SLC8A1: variants seen among roughly 807,000 people sequenced by gnomAD.
The protein encoded by SLC8A1 is sodium/calcium exchanger 1.
A neutral mutation model predicts 68.3 loss-of-function variants in SLC8A1; 18 were observed. That is an observed-to-expected ratio of 0.26 (90% CI 0.18 to 0.39). The LOEUF (loss-of-function observed/expected upper bound fraction) is 0.39. SLC8A1 is among the 10% of genes least tolerant of loss of function. The probability of loss-of-function intolerance (pLI) is 1.00; values close to 1 mark genes in which losing one functional copy is unlikely to be tolerated. For missense variants in SLC8A1, 985 were observed against 1,156.7 expected (o/e 0.85, Z 2.15); for synonymous variants, 475 against 415.5 (o/e 1.14, Z -1.74).
exon 8 of SLC8A1, chr2:40,101,663 A>G (rs2033900223): frequency 6.6e-6 from 1 of 152,302 alleles, no homozygotes; most frequent in South Asian, 2.1e-4. Flanking sequence ...ATCTTTATAA[A>G]GAACCTACCT....
At chr2:40,165,176 C>T (rs887442514) in intron 4 of SLC8A1, among the ~76,000 whole-genome samples, 192 bp from the exon 8 acceptor site, 1 of 152,172 alleles carries the variant, frequency 6.6e-6, no homozygotes, top group African/African-American at 2.4e-5. Context: ...ACTGTGAGAG[C>T]AAGTGATTAT....
intron 2 of SLC8A1, among the ~76,000 whole-genome samples, chr2:40,245,667 T>A (rs2061771058): frequency 2.6e-5 from 4 of 152,164 alleles, no homozygotes; most frequent in Admixed American, 2.6e-4. Flanking sequence ...TGTTTTATAT[T>A]ACTTAAAAAG....
intron 4 of SLC8A1, 23 bp from the exon 6 acceptor site, chr2:40,174,743 T>C (rs2048169803): frequency 1.3e-6 from 2 of 1,565,130 alleles, no homozygotes; most frequent in African/African-American, 1.4e-5. Context: ...CAAATAAAAA[T>C]GAGAAATTTT....
chr2:40,428,752 A>G (rs1442092498), exon 2 of SLC8A1: 2 of 1,613,866 alleles, frequency 1.2e-6, no homozygotes, highest in South Asian at 2.2e-5. Context: ...ATTGGCTTCC[A>G]GTATGCCATC....
upstream of SLC8A1, among the ~76,000 whole-genome samples, chr2:40,452,504 G>C (rs979762812): frequency 6.6e-6 from 1 of 152,090 alleles, no homozygotes. Context: ...CTTTTCTTTT[G>C]AACCCTCTTC....
intron 2 of SLC8A1, among the ~76,000 whole-genome samples, chr2:40,348,385 A>G (rs1333932572): frequency 6.6e-6 from 1 of 152,190 alleles, no homozygotes; most frequent in Non-Finnish European, 1.5e-5. Context: ...AAAAGAGAAG[A>G]TCAGATCTCC....
chr2:40,418,775 T>A (rs995605034), intron 2 of SLC8A1, among the ~76,000 whole-genome samples: 4 of 152,196 alleles, frequency 2.6e-5, no homozygotes, highest in African/African-American at 9.6e-5. Flanking sequence ...TCTCTGCTCT[T>A]CTGGTCTCCA....
intron 6 of SLC8A1, among the ~76,000 whole-genome samples, chr2:40,141,486 G>T (rs369885795): frequency 6.6e-6 from 1 of 152,176 alleles, no homozygotes; most frequent in Non-Finnish European, 1.5e-5. Flanking sequence ...ATAAACTGCT[G>T]GGAGAAGCCA....
intron 2 of SLC8A1, among the ~76,000 whole-genome samples, chr2:40,288,114 G>C (rs2149217463): frequency 6.6e-6 from 1 of 152,206 alleles, no homozygotes; most frequent in African/African-American, 2.4e-5. Context: ...AAGAGGGTCT[G>C]TTCTGGTAAT....
At chr2:40,451,452 G>C (rs1189724162) in intron 1 of SLC8A1, among the ~76,000 whole-genome samples, 2 of 152,162 alleles carry the variant, frequency 1.3e-5, no homozygotes, top group Non-Finnish European at 2.9e-5. Context: ...AAAGACCCCA[G>C]GGATTACCGG....
At chr2:40,354,612 G>T (rs77907628) in intron 2 of SLC8A1, among the ~76,000 whole-genome samples, 7,845 of 152,216 alleles carry the variant, frequency 0.052, 261 homozygotes, top group African/African-American at 0.087. Context: ...AGGAGGGGTT[G>T]CTTCTTCTGT....
intron 2 of SLC8A1, among the ~76,000 whole-genome samples, chr2:40,348,529 A>T (rs947826697): frequency 1.3e-5 from 2 of 152,196 alleles, no homozygotes; most frequent in African/African-American, 4.8e-5. Flanking sequence ...TCTGCGCAAG[A>T]AACATATGAC....
intron 2 of SLC8A1, among the ~76,000 whole-genome samples, chr2:40,316,056 G>T (rs1407873483): frequency 1.3e-5 from 2 of 152,044 alleles, no homozygotes; most frequent in African/African-American, 4.8e-5. Context: ...AAAGTCTTTT[G>T]TTCCCCAAGA....
intron 2 of SLC8A1, among the ~76,000 whole-genome samples, chr2:40,234,128 C>A (rs1217853042): frequency 1.3e-5 from 2 of 152,082 alleles, no homozygotes; most frequent in Non-Finnish European, 2.9e-5. Flanking sequence ...TTTTCCAATT[C>A]TGTGAAGAGA....
Position 40,139,423 on chromosome 2 carries a change from G to A in SLC8A1, c.2415C>T (p.Val805=), listed in dbSNP as rs148220418. Reference sequence around the variant, plus strand: ...TACCTGGCACTGATGTTCCAAGTGCGACGAACACGACTGCAGTCACAGAAT... The same window carrying A: ...TACCTGGCACTGATGTTCCAAGTGCAACGAACACGACTGCAGTCACAGAAT... The change falls in exon 7 of 8, where the codon GTC becomes GTT. Residue 805 remains valine (V), a synonymous_variant. Coordinates refer to ENST00000406785, the Ensembl canonical transcript of SLC8A1. 1.5e-3 allele frequency: 2,401 copies of A among 1,614,044 alleles called. 3 individuals are homozygous for A. Among genetic ancestry groups the A allele is most frequent in the Non-Finnish European group, 2.0e-3 (2,302 of 1,180,012 alleles).
intron 2 of SLC8A1, among the ~76,000 whole-genome samples, chr2:40,200,142 C>G (rs1170963728): frequency 5.8e-5 from 6 of 103,522 alleles, no homozygotes; most frequent in Non-Finnish European, 1.1e-4. Flanking sequence ...ATCTATGTGT[C>G]TCTGCAGCAC....
At chr2:40,274,255 T>A (rs1372130646) in intron 2 of SLC8A1, among the ~76,000 whole-genome samples, 1 of 150,076 alleles carries the variant, frequency 6.7e-6, no homozygotes, top group East Asian at 1.9e-4. Flanking sequence ...CAGCATCTTA[T>A]CATATTTGTA....
At chr2:40,126,368 G>T (rs148493192) in intron 7 of SLC8A1, among the ~76,000 whole-genome samples, 1,873 of 152,210 alleles carry the variant, frequency 0.012, 13 homozygotes, top group Admixed American at 0.021. Context: ...ATTAACCACT[G>T]GGATCTTACT....
At chr2:40,386,984 G>C (rs1683769339) in intron 2 of SLC8A1, among the ~76,000 whole-genome samples, 1 of 151,292 alleles carries the variant, frequency 6.6e-6, no homozygotes, top group Non-Finnish European at 1.5e-5. Flanking sequence ...TGAATAAAGA[G>C]AAACTAGAAT....
Sources: gnomAD v4.1 joint callset for allele counts (sites outside exome capture counted in the v4.1 genomes callset) on GRCh38, gnomAD v4.1.1 for gene constraint, MANE v1.5 for transcripts, NCBI Gene and HGNC (gene_info 2026-07-23, HGNC 2026-07-21) for gene names.